RBFOX1: variants seen among roughly 807,000 people sequenced by gnomAD.
RBFOX1 encodes the protein RNA binding fox-1 homolog 1.
RBFOX1 carries 8 observed loss-of-function variants against 57.7 expected under a neutral mutation model. The observed-to-expected ratio is 0.14, with a 90% CI of 0.08 to 0.25. The LOEUF (loss-of-function observed/expected upper bound fraction) is 0.25. Ranked by LOEUF, RBFOX1 falls within the 10% of genes least tolerant of loss-of-function variation. RBFOX1 has a pLI of 1.00. For synonymous variants in RBFOX1, 326 were observed against 222.4 expected (o/e 1.47, Z -4.15); for missense variants, 611 against 548.5 (o/e 1.11, Z -1.14).
At chr16:7,229,654 G>GAA (rs2093364623) in intron 4 of RBFOX1, among the ~76,000 whole-genome samples, 1 of 109,454 alleles carries the variant, frequency 9.1e-6, no homozygotes, top group Non-Finnish European at 2.1e-5. Context: ...GGAGAGAGAG[G>GAA]GAGGAAGGGC....
intron 3 of RBFOX1, among the ~76,000 whole-genome samples, chr16:5,794,776 TA>T (rs1452376014): frequency 1.3e-5 from 2 of 152,164 alleles, no homozygotes; most frequent in African/African-American, 4.8e-5. Flanking sequence ...AACATTTAAT[TA>T]ACTCCTGACT....
At chr16:7,557,637 AAAAAAG>A (rs1191086535) in intron 5 of RBFOX1, among the ~76,000 whole-genome samples, 17 of 103,398 alleles carry the variant, frequency 1.6e-4, no homozygotes, top group African/African-American at 2.7e-4. Context: ...AAAAAAAAAA[AAAAAAG>A]AAAAAGAAAA....
At chr16:7,093,971 GGTGA>G (rs368805322) in intron 4 of RBFOX1, among the ~76,000 whole-genome samples, 292 of 151,606 alleles carry the variant, frequency 1.9e-3, no homozygotes, top group African/African-American at 6.6e-3. Flanking sequence ...AACAAAACCT[GGTGA>G]GTATTAATAA....
At chr16:7,710,206 C>G in intron 15 of RBFOX1, 2 of 1,030,728 alleles carry the variant, frequency 1.9e-6, no homozygotes, top group Non-Finnish European at 2.3e-6. Flanking sequence ...TTGAGATTTT[C>G]ATCCCAATTC....
intron 4 of RBFOX1, among the ~76,000 whole-genome samples, chr16:7,189,514 A>G (rs17670460): frequency 0.25 from 36,107 of 146,574 alleles, 5,067 homozygotes; most frequent in African/African-American, 0.37. Flanking sequence ...TCTCCAGTTT[A>G]GAATACATTG....
chr16:5,430,409 G>A (rs2067695082), intron 1 of RBFOX1, among the ~76,000 whole-genome samples: 1 of 152,184 alleles, frequency 6.6e-6, no homozygotes. Context: ...GGGAGGGAGA[G>A]GTGCTGAAAC....
At chr16:6,868,187 T>C (rs1401181827) in intron 3 of RBFOX1, among the ~76,000 whole-genome samples, 1 of 152,174 alleles carries the variant, frequency 6.6e-6, no homozygotes, top group Non-Finnish European at 1.5e-5. Context: ...AGTCTTTCAG[T>C]GCTACATGTT....
At chr16:5,452,115 T>TC in intron 1 of RBFOX1, among the ~76,000 whole-genome samples, 1 of 126,730 alleles carries the variant, frequency 7.9e-6, no homozygotes, top group East Asian at 2.2e-4. Context: ...TCTCTCTCTC[T>TC]CTTTTTTTTT....
At chr16:6,889,357 G>C (rs1357097155) in intron 3 of RBFOX1, among the ~76,000 whole-genome samples, 3 of 152,158 alleles carry the variant, frequency 2.0e-5, no homozygotes, top group South Asian at 2.1e-4. Context: ...GCCTCATTTT[G>C]CTCTCTTTTC....
intron 3 of RBFOX1, among the ~76,000 whole-genome samples, chr16:5,649,961 C>A (rs569298037): frequency 2.0e-5 from 3 of 152,156 alleles, no homozygotes; most frequent in Admixed American, 2.0e-4. Flanking sequence ...CGGTGGAACA[C>A]GCGGGGAGGT....
chr16:6,479,140 C>G (rs1379116289), intron 2 of RBFOX1, among the ~76,000 whole-genome samples: 2 of 152,180 alleles, frequency 1.3e-5, no homozygotes, highest in Non-Finnish European at 1.5e-5. Context: ...AAGTTTCATA[C>G]TGTATTAGTC....
At chr16:7,189,645 A>C (rs1567634372) in intron 4 of RBFOX1, among the ~76,000 whole-genome samples, 1 of 151,508 alleles carries the variant, frequency 6.6e-6, no homozygotes, top group South Asian at 2.1e-4. Context: ...TCTGTATCTC[A>C]TTTTCCCTTC....
chr16:5,276,599 A>G (rs2063147075), intron 1 of RBFOX1, among the ~76,000 whole-genome samples: 1 of 152,114 alleles, frequency 6.6e-6, no homozygotes, highest in South Asian at 2.1e-4. Context: ...CCTGACTAAC[A>G]TGGTGAAACC....
At chr16:5,536,100 C>A (rs367745965) in intron 2 of RBFOX1, among the ~76,000 whole-genome samples, 5 of 12,986 alleles carry the variant, frequency 3.9e-4, no homozygotes, top group African/African-American at 5.3e-4. Flanking sequence ...ATCAAGCCCC[C>A]CCCCCCTTTT....
intron 3 of RBFOX1, chr16:5,610,259 T>C (rs552171998): frequency 2.0e-5 from 3 of 152,402 alleles, no homozygotes; most frequent in African/African-American, 7.2e-5. Context: ...CAGTCGCTAC[T>C]TGTTGAAAGA....
chr16:5,247,387 C>G (rs962714791), intron 1 of RBFOX1, among the ~76,000 whole-genome samples: 1 of 152,210 alleles, frequency 6.6e-6, no homozygotes, highest in African/African-American at 2.4e-5. Context: ...GGCTTTGTCC[C>G]TCCGCATGAG....
chr16:6,928,759 C>T (rs2076043929), intron 3 of RBFOX1, among the ~76,000 whole-genome samples: 1 of 152,080 alleles, frequency 6.6e-6, no homozygotes, highest in Non-Finnish European at 1.5e-5. Flanking sequence ...TGTGTTTCAT[C>T]ATTTCACATT....
chr16:7,702,318 C>G (rs1036959538), intron 14 of RBFOX1, among the ~76,000 whole-genome samples: 9 of 152,062 alleles, frequency 5.9e-5, no homozygotes, highest in Admixed American at 4.6e-4. Flanking sequence ...TTTCTTTGTC[C>G]TTTGAAGTGA....
chr16:6,754,423 C>T (rs1049471954), intron 3 of RBFOX1, among the ~76,000 whole-genome samples: 1 of 152,170 alleles, frequency 6.6e-6, no homozygotes, highest in Admixed American at 6.5e-5. Context: ...TCAAAACCTA[C>T]GGTCGAAGAT....
Sources: allele counts gnomAD v4.1 joint callset (sites outside exome capture counted in the v4.1 genomes callset), GRCh38; gene constraint gnomAD v4.1.1; transcripts MANE v1.5; gene names NCBI Gene and HGNC (gene_info 2026-07-23, HGNC 2026-07-21).